The following LRRC3B variants were observed in gnomAD, a reference collection of about 807,000 sequenced individuals.
LRRC3B encodes the protein leucine rich repeat containing 3B, also known as leucine-rich repeat-containing protein 3B.
In LRRC3B, 2 loss-of-function variants were observed where a neutral mutation model predicts 12.8. The ratio of observed to expected loss-of-function variants is 0.16; its 90% CI spans 0.06 to 0.49. The LOEUF (loss-of-function observed/expected upper bound fraction) is 0.49, where lower values mean the gene tolerates loss of function less well. Ranked by LOEUF, LRRC3B falls within the 20% of genes least tolerant of loss-of-function variation. The pLI, the probability that LRRC3B is intolerant of heterozygous loss-of-function variation, is 0.96. For synonymous variants in LRRC3B, 132 were observed against 122.0 expected, an observed-to-expected ratio of 1.08 and a Z score of -0.54; for missense variants, 189 against 319.4, an observed-to-expected ratio of 0.59 and a Z score of 3.11.
At chr3:26,667,538 C>T (rs59257278) in intron 1 of LRRC3B, among the ~76,000 whole-genome samples, 46 of 152,302 alleles carry the variant, frequency 3.0e-4, no homozygotes, top group African/African-American at 1.0e-3. Flanking sequence ...GTTCTACCAT[C>T]CCTAAAGTAT....
chr3:26,635,263 G>C (rs899572691), intron 1 of LRRC3B, among the ~76,000 whole-genome samples: 3 of 152,076 alleles, frequency 2.0e-5, no homozygotes, highest in Admixed American at 6.5e-5. Flanking sequence ...GAGGAGCCAA[G>C]GTTCCTCTCC....
chr3:26,642,558 G>A (rs1268862808), intron 1 of LRRC3B, among the ~76,000 whole-genome samples: 1 of 152,158 alleles, frequency 6.6e-6, no homozygotes, highest in Admixed American at 6.5e-5. Flanking sequence ...ATGAATAGCT[G>A]GATGTCAGCA....
intron 1 of LRRC3B, among the ~76,000 whole-genome samples, chr3:26,670,788 A>C (rs575381990): frequency 1.3e-5 from 2 of 152,296 alleles, no homozygotes; most frequent in South Asian, 4.1e-4. Context: ...TAGATTAGGA[A>C]AATGGAAAGC....
chr3:26,683,280 G>C (rs537021238), intron 1 of LRRC3B, among the ~76,000 whole-genome samples: 1 of 152,278 alleles, frequency 6.6e-6, no homozygotes, highest in East Asian at 1.9e-4. Flanking sequence ...TACATTATAG[G>C]ACCACTTTAC....
At chr3:26,686,032 CAT>C (rs1259755891) in intron 1 of LRRC3B, among the ~76,000 whole-genome samples, 1 of 152,078 alleles carries the variant, frequency 6.6e-6, no homozygotes, top group East Asian at 1.9e-4. Flanking sequence ...GTATAGGATT[CAT>C]ATAGACTATA....
intron 1 of LRRC3B, among the ~76,000 whole-genome samples, chr3:26,706,466 A>G (rs923190376): frequency 3.9e-5 from 6 of 152,212 alleles, no homozygotes; most frequent in Admixed American, 1.3e-4. Flanking sequence ...CAAACATAAT[A>G]GAAAATGAAA....
intron 1 of LRRC3B, among the ~76,000 whole-genome samples, chr3:26,661,505 A>C (rs565902252): frequency 6.6e-6 from 1 of 152,260 alleles, no homozygotes. Flanking sequence ...GTAATTGTAT[A>C]TCTTCCCTTT....
At chr3:26,688,113 G>T (rs1186389307) in intron 1 of LRRC3B, among the ~76,000 whole-genome samples, 2 of 152,166 alleles carry the variant, frequency 1.3e-5, no homozygotes, top group South Asian at 2.1e-4. Flanking sequence ...CAGATTAATA[G>T]AAAAGGGACG....
At chr3:26,676,645 TGTAAACTA>T (rs1489296556) in intron 1 of LRRC3B, among the ~76,000 whole-genome samples, 1 of 152,210 alleles carries the variant, frequency 6.6e-6, no homozygotes, top group Non-Finnish European at 1.5e-5. Flanking sequence ...TTGGTGGGAC[TGTAAACTA>T]GTTCAACCAT....
chr3:26,664,127 A>T (rs189961974), intron 1 of LRRC3B, among the ~76,000 whole-genome samples: 1 of 152,130 alleles, frequency 6.6e-6, no homozygotes. Flanking sequence ...TTTGAACTAG[A>T]CACCACATGA....
chr3:26,636,882 CTTCCTT>C (rs1698892667), intron 1 of LRRC3B, among the ~76,000 whole-genome samples: 1 of 105,506 alleles, frequency 9.5e-6, no homozygotes, highest in African/African-American at 4.8e-5. Flanking sequence ...TCCTTCCTTC[CTTCCTT>C]TCTCTCTCTC....
intron 1 of LRRC3B, among the ~76,000 whole-genome samples, chr3:26,627,143 C>A (rs1367165153): frequency 2.6e-5 from 4 of 152,210 alleles, no homozygotes; most frequent in African/African-American, 9.6e-5. Context: ...ACAAAGGGGA[C>A]TTTCTGCAGT....
intron 1 of LRRC3B, among the ~76,000 whole-genome samples, chr3:26,703,338 AC>A (rs60085729): frequency 0.074 from 11,206 of 152,154 alleles, 1,254 homozygotes; most frequent in African/African-American, 0.24. Flanking sequence ...ATAAACAAAA[AC>A]CACCCAAATG....
chr3:26,674,413 A>C (rs1699815985), intron 1 of LRRC3B, among the ~76,000 whole-genome samples: 1 of 152,238 alleles, frequency 6.6e-6, no homozygotes, highest in Non-Finnish European at 1.5e-5. Flanking sequence ...AAATAAAGTA[A>C]AATATTGGTA....
At chr3:26,686,142 C>T (rs1700084167) in intron 1 of LRRC3B, among the ~76,000 whole-genome samples, 1 of 151,854 alleles carries the variant, frequency 6.6e-6, no homozygotes, top group African/African-American at 2.4e-5. Flanking sequence ...TGCAGTGGTG[C>T]AATTGTGGCT....
chr3:26,710,469 C>A (rs774347845), exon 2 of LRRC3B: 1 of 1,536,984 alleles, frequency 6.5e-7, no homozygotes, highest in South Asian at 1.3e-5. Flanking sequence ...AACTGACTGT[C>A]ATTGAGAAAG....
chr3:26,660,270 G>A (rs1699467509), intron 1 of LRRC3B, among the ~76,000 whole-genome samples: 1 of 152,138 alleles, frequency 6.6e-6, no homozygotes. Flanking sequence ...CTGTCAGAAA[G>A]GCATGGTAGA....
intron 1 of LRRC3B, among the ~76,000 whole-genome samples, chr3:26,691,545 A>C (rs1449110645): frequency 6.6e-6 from 1 of 152,180 alleles, no homozygotes; most frequent in Non-Finnish European, 1.5e-5. Context: ...ACGGGAAGGA[A>C]GGATAAGTAT....
chr3:26,646,617 A>C (rs1241308793), intron 1 of LRRC3B, among the ~76,000 whole-genome samples: 3 of 64,140 alleles, frequency 4.7e-5, no homozygotes, highest in South Asian at 4.5e-4. Context: ...AAAAAAAAAA[A>C]AAAAAAAAAA....
Sources: allele counts gnomAD v4.1 joint callset (sites outside exome capture counted in the v4.1 genomes callset), GRCh38; gene constraint gnomAD v4.1.1; transcripts MANE v1.5; gene names NCBI Gene and HGNC (gene_info 2026-07-23, HGNC 2026-07-21).